LONP1: variants seen among roughly 807,000 people sequenced by gnomAD.
LONP1 encodes lon peptidase 1, mitochondrial, also known as lon protease homolog, mitochondrial.
A neutral mutation model predicts 98.5 loss-of-function variants in LONP1; 31 were observed. The observed-to-expected ratio is 0.31, with a 90% CI of 0.24 to 0.42. The LOEUF is 0.42. Among genes scored for constraint, LONP1 ranks in the 20% least tolerant of loss-of-function variants. The pLI is 1.00. For synonymous variants in LONP1, 781 were observed against 594.7 expected, an observed-to-expected ratio of 1.31 and a Z score of -4.56; for missense variants, 1,336 against 1,350.6, an observed-to-expected ratio of 0.99 and a Z score of 0.17.
intron 8 of LONP1, among the ~76,000 whole-genome samples, chr19:5,702,413 C>T (rs1742451938): frequency 6.7e-6 from 1 of 149,886 alleles, no homozygotes; most frequent in Non-Finnish European, 1.5e-5. Flanking sequence ...GGCGCCTCTG[C>T]CCGGCCGCCC....
In LONP1 at chr19:5,709,907, CAAAAAAAAAAA is replaced by C. The variant is rs755774542; in HGVS notation, c.871-1515_871-1505del. Among the ~76,000 whole-genome samples, 227 of 38,678 alleles carry C rather than the reference CAAAAAAAAAAA, an allele frequency of 5.9e-3. 2 individuals are homozygous for C. Among genetic ancestry groups the C allele is most frequent in the East Asian group, 0.047 (43 of 914 alleles). 25.4% of individuals were successfully genotyped at this position (38,678 alleles called of 152,430 possible). Reference sequence around the variant, plus strand: ...AGCCTGGGCGACAGAGGCTCCATCTCAAAAAAAAAAAAAAAAAAAAAAAAAAAGAACAAGTT... The same window carrying C: ...AGCCTGGGCGACAGAGGCTCCATCTCAAAAAAAAAAAAAAAAGAACAAGTT... On this transcript the variant is annotated intron_variant, in intron 4 of 17. Transcript: ENST00000360614.
intron 17 of LONP1, 168 bp from the exon 18 acceptor site, chr19:5,692,376 A>G: frequency 1.7e-6 from 1 of 592,850 alleles, no homozygotes; most frequent in Non-Finnish European, 2.8e-6. Context: ...ACGGGGAAAC[A>G]GGCTCAAGGC....
rs72979071 is a variant in LONP1 at position 5,712,967 on chromosome 19, G to A, written c.638+167C>T. 0.19 allele frequency among the ~76,000 whole-genome samples: 28,840 copies of A among 152,168 alleles called. 3,040 individuals carry two copies. Among genetic ancestry groups the A allele is most frequent in the Middle Eastern group, 0.33 (96 of 294 alleles). ...CCCTTTCTGAGACAGGAGGGGTCCA[G>A]AGGTGACATGTCTCACTCTCACCCC... On this transcript the variant is annotated intron_variant, in intron 3 of 17. Transcript: ENST00000360614.
chr19:5,699,894 C>T (rs1195441594), intron 9 of LONP1, among the ~76,000 whole-genome samples: 2 of 151,894 alleles, frequency 1.3e-5, no homozygotes, highest in Non-Finnish European at 2.9e-5. Context: ...CTCCCACCTG[C>T]CTGCCTGGTT....
chr19:5,705,047 A>T (rs1422461041), intron 8 of LONP1, among the ~76,000 whole-genome samples: 1 of 152,202 alleles, frequency 6.6e-6, no homozygotes, highest in East Asian at 1.9e-4. Context: ...CTGTAATCCC[A>T]GCTACTCAGG....
chr19:5,711,969 G>T lies in LONP1; in HGVS notation c.672C>A (p.Pro224=). The T allele has an allele frequency of 1.2e-6, 2 of 1,613,034 alleles. No homozygotes were observed. Among genetic ancestry groups the T allele is most frequent in the Non-Finnish European group, 1.7e-6 (2 of 1,179,904 alleles). ...GCTTGTTCTCCGCCTCCGGCTCCTCGGGCTCCACCTCCAGCTGTCTGCTGA... is the reference window on the plus strand; with the variant it reads ...GCTTGTTCTCCGCCTCCGGCTCCTCTGGCTCCACCTCCAGCTGTCTGCTGA... ...VHISRQLEVE[P]EEPEAENKHK... Residue 224 remains proline (P), a synonymous_variant, in exon 4 of 18, where the codon CCC becomes CCA. Coordinates refer to ENST00000360614, the MANE Select transcript of LONP1 (RefSeq NM_004793.4).
At chr19:5,713,051 G>T in intron 3 of LONP1, 83 bp downstream of exon 3, 1 of 1,586,620 alleles carries the variant, frequency 6.3e-7, no homozygotes, top group Non-Finnish European at 8.6e-7. Context: ...GGCAGAGGCT[G>T]ATGCTGGGGC....
chr19:5,716,990 T>C (rs1240774659), intron 1 of LONP1, among the ~76,000 whole-genome samples: 1 of 152,110 alleles, frequency 6.6e-6, no homozygotes, highest in Non-Finnish European at 1.5e-5. Flanking sequence ...GAGACGGGGT[T>C]TCACCTTGTT....
At chr19:5,712,952 G>A (rs2055260300) in intron 3 of LONP1, among the ~76,000 whole-genome samples, 182 bp downstream of exon 3, 2 of 152,134 alleles carry the variant, frequency 1.3e-5, no homozygotes, top group South Asian at 4.1e-4. Flanking sequence ...CCCTTTCTGA[G>A]ACAGGAGGGG....
intron 10 of LONP1, 71 bp downstream of exon 10, chr19:5,698,956 G>C: frequency 1.4e-6 from 2 of 1,467,112 alleles, no homozygotes; most frequent in Non-Finnish European, 1.8e-6. Context: ...GTTAAAGGGT[G>C]ACCGGAGAAG....
Position 5,692,159 on chromosome 19 carries a change from T to G in LONP1, c.2753A>C (p.Lys918Thr). The stretch of plus-strand genomic sequence containing the variant: ...GAAGGCTGCCAGGTCGTAGAAGTCC[T>G]TCTTGTTCTCGGCTGGCAGGACGAT... ...TCIVLPAENK[K>T]DFYDLAAFIT... Residue 918 changes from lysine to threonine, a missense_variant, in exon 18 of 18, where the codon AAG (lysine) becomes ACG (threonine). Lys to Thr is a moderately conservative substitution (Grantham distance 78, BLOSUM62 -1). Around this residue, in one of 5 missense-constraint regions of LONP1, gnomAD observed 555 missense variants for 542.6 expected, o/e 1.02. Transcript: ENST00000360614. 6.2e-7 allele frequency: 1 copy of G among 1,614,056 alleles called. No individual in the cohort carries two copies. The highest frequency in any genetic ancestry group is 1.7e-5 in the Admixed American group (1 of 60,022).
chr19:5,697,489 G>A (rs1397207613), intron 10 of LONP1, among the ~76,000 whole-genome samples: 2 of 149,384 alleles, frequency 1.3e-5, no homozygotes, highest in African/African-American at 2.5e-5. Context: ...AGGCCATGAG[G>A]CTGAGGCAGA....
intron 9 of LONP1, among the ~76,000 whole-genome samples, chr19:5,700,475 G>A (rs1256950727): frequency 2.0e-5 from 3 of 152,080 alleles, no homozygotes; most frequent in African/African-American, 4.8e-5. Context: ...GATGTGCAGT[G>A]GCATGATCAC....
Position 5,708,389 on chromosome 19 carries a change from C to T in LONP1, c.885G>A (p.Glu295=). ...TGATGTCCCGGATGGTCTTCACGAT[C>T]TCTGCAGTCAGGGCCTGCCAAGTAT... ...VTEEVKALTA[E]IVKTIRDIIA... is the part of the protein sequence containing the mutation. The change falls in exon 5 of 18, where the codon GAG becomes GAA. Residue 295 remains glutamate, a synonymous_variant. Transcript: ENST00000360614. The T allele has an allele frequency of 1.2e-6, 2 of 1,603,784 alleles. No homozygotes were observed. The highest frequency in any genetic ancestry group is 4.5e-5 in the East Asian group (2 of 44,104).
rs1004136176 is a variant in LONP1, at chr19:5,697,718, TAAC to T, written c.1686-964_1686-962del. Reference sequence around the variant, plus strand: ...CAAAGGAGGGTTTTGCTGCTGTTAATAACAACGATCCATCGCCCCGCAGCCAGT... The same window carrying T: ...CAAAGGAGGGTTTTGCTGCTGTTAATAACGATCCATCGCCCCGCAGCCAGT... On this transcript the variant is annotated intron_variant, in intron 10 of 17. Transcript: ENST00000360614. Among the ~76,000 whole-genome samples, 20 of 151,772 alleles carry T rather than the reference TAAC, an allele frequency of 1.3e-4. 1 individual carries two copies. The highest frequency in any genetic ancestry group is 4.1e-4 in the African/African-American group (17 of 41,358).
Position 5,695,734 on chromosome 19 carries a change from C to T in LONP1, c.2013+320G>A, listed in dbSNP as rs7246139. On this transcript the variant is annotated intron_variant, in intron 13 of 17. Coordinates refer to ENST00000360614, the MANE Select transcript of LONP1 (RefSeq NM_004793.4). ...CACAGGCCCCACTGCTTCCGGCTGC[C>T]AGAAACCTTCCCTACACTCTGGGCC... 9.4e-3 allele frequency among the ~76,000 whole-genome samples: 1,428 copies of T among 152,348 alleles called. 21 individuals are homozygous for T. Among genetic ancestry groups the T allele is most frequent in the African/African-American group, 0.032 (1,343 of 41,586 alleles).
intron 7 of LONP1, among the ~76,000 whole-genome samples, chr19:5,706,452 A>G (rs1404777133): frequency 6.6e-6 from 1 of 152,108 alleles, no homozygotes. Context: ...CTACTAAAAT[A>G]CAAAAATTAG....
At chr19:5,701,172 A>C (rs2055034442) in intron 8 of LONP1, among the ~76,000 whole-genome samples, 1 of 152,118 alleles carries the variant, frequency 6.6e-6, no homozygotes, top group African/African-American at 2.4e-5. Flanking sequence ...CAGGCCAGGC[A>C]CAGTGGCTCA....
chr19:5,717,892 T>C (rs1365342302), intron 1 of LONP1, among the ~76,000 whole-genome samples: 1 of 68,434 alleles, frequency 1.5e-5, no homozygotes, highest in Non-Finnish European at 3.3e-5. Context: ...TCTTTCTTTC[T>C]TTTTTTTTTT....
Sources: gnomAD v4.1 joint callset for allele counts (sites outside exome capture counted in the v4.1 genomes callset) on GRCh38, gnomAD v4.1.1 for gene constraint, gnomAD v4.1.1 regional missense constraint, MANE v1.5 for transcripts, NCBI Gene and HGNC (gene_info 2026-07-23, HGNC 2026-07-21) for gene names.